ASIC2: variants seen among roughly 807,000 people sequenced by gnomAD.
ASIC2 encodes the protein acid-sensing ion channel 2.
ASIC2 carries 25 observed loss-of-function variants against 57.3 expected under a neutral mutation model. That is an observed-to-expected ratio of 0.44 (90% confidence interval 0.32 to 0.61). ASIC2 has a LOEUF of 0.61. ASIC2 is among the 20% of genes least tolerant of loss of function. The pLI, the probability that ASIC2 is intolerant of heterozygous loss-of-function variation, is 0.06. For missense variants in ASIC2, 641 were observed against 738.1 expected (o/e 0.87, Z 1.52); for synonymous variants, 319 against 307.5 (o/e 1.04, Z -0.39).
intron 1 of ASIC2, among the ~76,000 whole-genome samples, chr17:33,252,785 T>C (rs1430664415): frequency 6.6e-6 from 1 of 152,142 alleles, no homozygotes; most frequent in African/African-American, 2.4e-5. Flanking sequence ...ATGTGTTCTC[T>C]TCCCCTCATC....
At chr17:33,729,486 G>T (rs1485475980) in intron 1 of ASIC2, among the ~76,000 whole-genome samples, 2 of 152,128 alleles carry the variant, frequency 1.3e-5, no homozygotes, top group Non-Finnish European at 2.9e-5. Context: ...CCCCGTGTTG[G>T]ATTGTTAGGT....
At chr17:33,839,792 C>T (rs1355460238) in intron 1 of ASIC2, among the ~76,000 whole-genome samples, 1 of 152,142 alleles carries the variant, frequency 6.6e-6, no homozygotes, top group East Asian at 1.9e-4. Flanking sequence ...TGGCAGGTAC[C>T]ACCCAGCAGC....
chr17:33,279,119 C>T (rs572671771), intron 1 of ASIC2, among the ~76,000 whole-genome samples: 2 of 152,246 alleles, frequency 1.3e-5, no homozygotes, highest in African/African-American at 4.8e-5. Flanking sequence ...TTGTCTTATG[C>T]GTTGATTTGT....
At chr17:33,281,690 G>T (rs1040176638) in intron 1 of ASIC2, among the ~76,000 whole-genome samples, 1 of 152,246 alleles carries the variant, frequency 6.6e-6, no homozygotes. Context: ...CATGAGGAAG[G>T]AATGCATTGG....
intron 1 of ASIC2, among the ~76,000 whole-genome samples, chr17:33,925,967 T>G (rs1597932896): frequency 6.6e-6 from 1 of 152,292 alleles, no homozygotes; most frequent in Middle Eastern, 3.4e-3. Flanking sequence ...AAGACTTTTT[T>G]TAGATGCAGA....
At chr17:33,333,098 G>A (rs1907380553) in intron 1 of ASIC2, among the ~76,000 whole-genome samples, 2 of 152,170 alleles carry the variant, frequency 1.3e-5, no homozygotes, top group African/African-American at 4.8e-5. Context: ...ATTGGCCTTG[G>A]GGAACCTTAC....
intron 1 of ASIC2, among the ~76,000 whole-genome samples, chr17:33,575,578 G>A (rs1040111709): frequency 2.0e-5 from 3 of 152,176 alleles, no homozygotes; most frequent in African/African-American, 7.2e-5. Context: ...CCTACCTATG[G>A]TTTGTCCTCT....
chr17:33,233,865 C>T (rs559994732), intron 1 of ASIC2, among the ~76,000 whole-genome samples: 32 of 152,320 alleles, frequency 2.1e-4, no homozygotes, highest in Admixed American at 3.9e-4. Flanking sequence ...GAGAAACCTC[C>T]GGTGCACACG....
At chr17:33,704,988 C>T (rs539380916) in intron 1 of ASIC2, among the ~76,000 whole-genome samples, 1 of 152,288 alleles carries the variant, frequency 6.6e-6, no homozygotes, top group South Asian at 2.1e-4. Flanking sequence ...TTCCTGTAGG[C>T]GTATGTTTGT....
intron 1 of ASIC2, among the ~76,000 whole-genome samples, chr17:34,026,864 C>A (rs951227822): frequency 7.9e-5 from 12 of 152,318 alleles, no homozygotes; most frequent in Non-Finnish European, 1.3e-4. Flanking sequence ...GGCCATGCAG[C>A]TAACATCTGA....
intron 1 of ASIC2, among the ~76,000 whole-genome samples, chr17:33,513,795 G>A (rs1315714823): frequency 2.0e-5 from 3 of 152,188 alleles, no homozygotes; most frequent in Non-Finnish European, 4.4e-5. Context: ...AGGTTCAAAG[G>A]CGGCACCTTC....
chr17:34,017,458 A>G (rs1191846148), intron 1 of ASIC2, among the ~76,000 whole-genome samples: 1 of 152,228 alleles, frequency 6.6e-6, no homozygotes, highest in Non-Finnish European at 1.5e-5. Flanking sequence ...TATTCAAGTG[A>G]AAAGAAGAGC....
intron 3 of ASIC2, among the ~76,000 whole-genome samples, chr17:33,055,834 C>T (rs375555123): frequency 2.6e-5 from 4 of 152,246 alleles, no homozygotes; most frequent in African/African-American, 7.2e-5. Context: ...TTGTCTCCTC[C>T]GTGATAAATG....
chr17:34,042,368 CA>C (rs1908170943), intron 1 of ASIC2, among the ~76,000 whole-genome samples: 1 of 151,938 alleles, frequency 6.6e-6, no homozygotes, highest in African/African-American at 2.4e-5. Context: ...TACTACTCAA[CA>C]ATAAAAAAGA....
intron 1 of ASIC2, among the ~76,000 whole-genome samples, chr17:33,802,291 T>C (rs544340708): frequency 6.6e-6 from 1 of 152,336 alleles, no homozygotes; most frequent in East Asian, 1.9e-4. Context: ...GGCTGTCCCA[T>C]ATAGCCTAGG....
At chr17:33,287,293 C>T (rs115317037) in intron 1 of ASIC2, among the ~76,000 whole-genome samples, 2,977 of 152,314 alleles carry the variant, frequency 0.02, 88 homozygotes, top group African/African-American at 0.068. Flanking sequence ...TGAGGTCTGC[C>T]TGGCACTCTC....
chr17:33,726,800 C>T (rs1909574611), intron 1 of ASIC2, among the ~76,000 whole-genome samples: 1 of 152,130 alleles, frequency 6.6e-6, no homozygotes, highest in Non-Finnish European at 1.5e-5. Flanking sequence ...GTTATTTGTT[C>T]TTTGTTAAAA....
At chr17:33,686,248 G>A (rs1191665323) in intron 1 of ASIC2, among the ~76,000 whole-genome samples, 2 of 152,052 alleles carry the variant, frequency 1.3e-5, no homozygotes, top group African/African-American at 4.8e-5. Flanking sequence ...TGGCCAAAGA[G>A]CACGCTATTC....
chr17:33,885,740 A>C (rs1914813093), intron 1 of ASIC2, among the ~76,000 whole-genome samples: 2 of 152,216 alleles, frequency 1.3e-5, no homozygotes, highest in African/African-American at 4.8e-5. Flanking sequence ...GGCCTAATTC[A>C]AATGCTCCTT....
Sources: gnomAD v4.1 joint callset for allele counts (sites outside exome capture counted in the v4.1 genomes callset) on GRCh38, gnomAD v4.1.1 for gene constraint, MANE v1.5 for transcripts, NCBI Gene and HGNC (gene_info 2026-07-23, HGNC 2026-07-21) for gene names.